The following ABCF1 variants were observed in gnomAD, a reference collection of about 807,000 sequenced individuals.
ABCF1 encodes the protein ATP-binding cassette sub-family F member 1.
In ABCF1, 73 loss-of-function variants were observed where a neutral mutation model predicts 126.3. The ratio of observed to expected loss-of-function variants is 0.58; its 90% confidence interval spans 0.48 to 0.70. ABCF1 has a LOEUF of 0.70. Ranked by LOEUF, ABCF1 falls within the 30% of genes least tolerant of loss-of-function variation. The probability of loss-of-function intolerance (pLI) is 0.00; values close to 1 mark genes in which losing one functional copy is unlikely to be tolerated. For synonymous variants in ABCF1, 345 were observed against 396.4 expected, an observed-to-expected ratio of 0.87 and a Z score of 1.54; for missense variants, 786 against 1,057.5, an observed-to-expected ratio of 0.74 and a Z score of 3.56.
At position 30,574,423 on chromosome 6, in the gene ABCF1, C is replaced by G. The variant is rs1801396705; in HGVS notation, c.73+2863C>G. 6.6e-6 allele frequency among the ~76,000 whole-genome samples: 1 copy of G among 152,214 alleles called. No individual in the cohort carries two copies. The highest frequency in any genetic ancestry group is 2.4e-5 in the African/African-American group (1 of 41,448). On this transcript the variant is annotated intron_variant, in intron 1 of 24. Transcript: ENST00000326195. This position sits in a 1 kb window ranked among gnomAD's most constrained non-coding sequence, Gnocchi z 4.3. Reference sequence around the variant, plus strand: ...AAATGTTGGGATTACAGGCGTGAGCCAGTGTGCCTGGCCACAAAAGAGATT... The same window carrying G: ...AAATGTTGGGATTACAGGCGTGAGCGAGTGTGCCTGGCCACAAAAGAGATT...
intron 6 of ABCF1, among the ~76,000 whole-genome samples, chr6:30,579,660 G>GTTGACCAGGATGGTCTCGATCTC (rs1199043988): frequency 6.6e-6 from 1 of 151,954 alleles, no homozygotes; most frequent in Non-Finnish European, 1.5e-5. Flanking sequence ...GTTTCACCAT[G>GTTGACCAGGATGGTCTCGATCTC]TTGACCAGGA....
Position 30,585,862 on chromosome 6 carries a change from C to G in ABCF1, c.1601-17C>G. ...AGAGGAGCAACCACTGATGCCTGGT[C>G]CCCTCTTCTGCCCCAGTGACCTTCA... On this transcript the variant is annotated splice_polypyrimidine_tract_variant and intron_variant, in intron 16 of 24. Transcript: ENST00000326195. 1.3e-6 allele frequency: 2 copies of G among 1,589,040 alleles called. No individual in the cohort carries two copies. Among genetic ancestry groups the G allele is most frequent in the South Asian group, 2.3e-5 (2 of 88,694 alleles).
chr6:30,585,228 C>T, intron 14 of ABCF1, 32 bp from the exon 15 acceptor site: 3 of 1,590,480 alleles, frequency 1.9e-6, no homozygotes, highest in Non-Finnish European at 2.6e-6. Context: ...TCTTTCTCTC[C>T]CTGACCCTGC....
In ABCF1 at chr6:30,582,326, G is replaced by A; in HGVS notation, c.679-68G>A. The stretch of plus-strand genomic sequence containing the variant: ...CCGCTTTGGCTTCCCAAAGTGCTGG[G>A]ATTACAGGCGTGAGCCACCGCGCCC... On this transcript the variant is annotated intron_variant, in intron 8 of 24. Transcript: ENST00000326195. 2.0e-6 allele frequency: 2 copies of A among 976,144 alleles called. 1 individual carries two copies. Among genetic ancestry groups the A allele is most frequent in the South Asian group, 2.8e-5 (2 of 70,444 alleles). 60.5% of individuals were successfully genotyped at this position (976,144 alleles called of 1,614,324 possible).
chr6:30,585,234 C>G (rs1802048601), intron 14 of ABCF1, 26 bp from the exon 15 acceptor site: 3 of 1,601,264 alleles, frequency 1.9e-6, no homozygotes, highest in East Asian at 4.5e-5. Flanking sequence ...TCTCCCTGAC[C>G]CTGCCCTCTG....
intron 22 of ABCF1, 38 bp downstream of exon 22, chr6:30,590,012 T>TA (rs1482019738): frequency 2.5e-6 from 4 of 1,608,354 alleles, no homozygotes; most frequent in Non-Finnish European, 3.4e-6. Context: ...CCCTTCACCT[T>TA]ATCATTCATG....
rs1801403537 is a variant in ABCF1 at position 30,574,603 on chromosome 6, C to G, written c.74-2806C>G. On this transcript the variant is annotated intron_variant, in intron 1 of 24. Coordinates refer to ENST00000326195, the MANE Select transcript of ABCF1 (RefSeq NM_001025091.2). This position sits in a 1 kb window ranked among gnomAD's most constrained non-coding sequence, Gnocchi z 4.3. ...TCCTCCTAATGCCTTTAGGATTAAACTCCTTGGAATAGCATATAAAGCCTT... is the reference window on the plus strand; with the variant it reads ...TCCTCCTAATGCCTTTAGGATTAAAGTCCTTGGAATAGCATATAAAGCCTT... 2.0e-5 allele frequency among the ~76,000 whole-genome samples: 3 copies of G among 152,212 alleles called. No homozygotes were observed. The highest frequency in any genetic ancestry group is 4.4e-5 in the Non-Finnish European group (3 of 68,032).
intron 9 of ABCF1, 91 bp from the exon 10 acceptor site, chr6:30,582,975 G>C (rs1233208412): frequency 2.0e-6 from 3 of 1,514,322 alleles, no homozygotes; most frequent in Admixed American, 1.9e-5. Flanking sequence ...TTACAGGCGT[G>C]AGCCAGCATG....
chr6:30,573,043 G>C (rs1801333015), intron 1 of ABCF1, among the ~76,000 whole-genome samples: 1 of 152,210 alleles, frequency 6.6e-6, no homozygotes, highest in African/African-American at 2.4e-5. Flanking sequence ...CATAAGGAAT[G>C]ATTATGAACA....
At position 30,586,496 on chromosome 6, in the gene ABCF1, A is replaced by T; in HGVS notation, c.1908A>T (p.Gly636=). 1.2e-6 allele frequency: 2 copies of T among 1,613,482 alleles called. No individual in the cohort carries two copies. The highest frequency in any genetic ancestry group is 1.7e-6 in the Non-Finnish European group (2 of 1,180,020). Residue 636 remains glycine, a synonymous_variant, in exon 19 of 25, where the codon GGA becomes GGT. Transcript: ENST00000326195. This position sits in a 1 kb window ranked among gnomAD's most constrained non-coding sequence, Gnocchi z 4.9. ...CAGGTGTGACATTCGGCTACCAGGG[A>T]CAGAAACCACTCTTTAAGAACTTGG... ...GLHGVTFGYQ[G]QKPLFKNLDF...
intron 1 of ABCF1, among the ~76,000 whole-genome samples, chr6:30,576,132 T>C (rs1801485266): frequency 6.6e-6 from 1 of 150,932 alleles, no homozygotes; most frequent in Admixed American, 6.6e-5. Context: ...TGTGTGTATC[T>C]ACACATATCT....
Position 30,589,991 on chromosome 6 carries a change from C to A in ABCF1, c.2233+17C>A. Reference sequence around the variant, plus strand: ...AACTCTCTGGTACCACTTCAGGGGCCAGGGAGGGTGCCCTTCACCTTATCA... The same window carrying A: ...AACTCTCTGGTACCACTTCAGGGGCAAGGGAGGGTGCCCTTCACCTTATCA... On this transcript the variant is annotated intron_variant, in intron 22 of 24. Coordinates refer to ENST00000326195, the MANE Select transcript of ABCF1 (RefSeq NM_001025091.2). The A allele has an allele frequency of 6.2e-7, 1 of 1,611,100 alleles. No individual in the cohort carries two copies. The highest frequency in any genetic ancestry group is 8.5e-7 in the Non-Finnish European group (1 of 1,178,968).
intron 20 of ABCF1, among the ~76,000 whole-genome samples, chr6:30,588,247 C>T (rs1343269522): frequency 6.6e-6 from 1 of 152,036 alleles, no homozygotes; most frequent in Non-Finnish European, 1.5e-5. Flanking sequence ...CTCCTTTTTT[C>T]TTTGCAAATG....
At chr6:30,572,049 T>C (rs1482389202) in intron 1 of ABCF1, among the ~76,000 whole-genome samples, 1 of 148,992 alleles carries the variant, frequency 6.7e-6, no homozygotes, top group East Asian at 2.0e-4. Context: ...GAGTGTAGAT[T>C]TTTGATGTTG....
At chr6:30,575,694 G>A (rs1801461485) in intron 1 of ABCF1, among the ~76,000 whole-genome samples, 1 of 151,932 alleles carries the variant, frequency 6.6e-6, no homozygotes. Context: ...TAATATTCAA[G>A]CAGAACAAGT....
At chr6:30,573,933 A>G (rs1394537012) in intron 1 of ABCF1, among the ~76,000 whole-genome samples, 2 of 152,334 alleles carry the variant, frequency 1.3e-5, no homozygotes, top group East Asian at 3.9e-4. Context: ...AGAGGGGTAT[A>G]AGGGTAAAGA....
chr6:30,587,867 TAAGTC>T (rs80111876), intron 20 of ABCF1, among the ~76,000 whole-genome samples: 100,392 of 145,970 alleles, frequency 0.69, 34,787 homozygotes, highest in South Asian at 0.85. Flanking sequence ...AAAAAATGCT[TAAGTC>T]AAGAGAAAAA....
intron 6 of ABCF1, 85 bp from the exon 7 acceptor site, chr6:30,579,846 A>AC (rs1317761738): frequency 4.4e-6 from 6 of 1,351,582 alleles, no homozygotes; most frequent in Non-Finnish European, 6.2e-6. Context: ...TTAACACAGT[A>AC]GACTCTCTAG....
At position 30,590,330 on chromosome 6, in the gene ABCF1, A is replaced by G. The variant is rs773792686; in HGVS notation, c.2323A>G (p.Ile775Val). 9.9e-6 allele frequency: 16 copies of G among 1,611,996 alleles called. No homozygotes were observed. The African/African-American group carries it at 1.6e-4, about 16-fold the overall frequency. Residue 775 changes from isoleucine (I) to valine (V), a missense_variant, in exon 24 of 25, where the codon ATA becomes GTA. This residue lies in a region of ABCF1 where 288 missense variants were observed against 423.5 expected (regional missense o/e 0.68). Coordinates refer to ENST00000326195, the MANE Select transcript of ABCF1 (RefSeq NM_001025091.2). The stretch of plus-strand genomic sequence containing the variant: ...GGACGAGCCAACCAATAACCTGGAC[A>G]TAGAGTCTATTGATGCTCTAGGGGA... ...ILDEPTNNLDIESIDALGEAI... is the reference protein window; with the variant it reads ...ILDEPTNNLDVESIDALGEAI...
Sources: allele counts gnomAD v4.1 joint callset (sites outside exome capture counted in the v4.1 genomes callset), GRCh38; gene constraint gnomAD v4.1.1; regional missense constraint gnomAD v4.1.1; non-coding constraint Gnocchi (gnomAD v3.1); transcripts MANE v1.5; gene names NCBI Gene and HGNC (gene_info 2026-07-23, HGNC 2026-07-21).